Variants in EML5 observed in about 807,000 individuals in gnomAD.
The protein encoded by EML5 is EMAP like 5, also known as echinoderm microtubule-associated protein-like 5.
A neutral mutation model predicts 250.0 loss-of-function variants in EML5; 120 were observed. The ratio of observed to expected loss-of-function variants is 0.48; its 90% confidence interval spans 0.41 to 0.56. The LOEUF is 0.56. Among genes scored for constraint, EML5 ranks in the 20% least tolerant of loss-of-function variants. EML5 has a pLI of 0.00. For synonymous variants in EML5, 771 were observed against 806.5 expected (o/e 0.96, Z 0.75); for missense variants, 2,006 against 2,437.6 (o/e 0.82, Z 3.73).
chr14:88,722,617 G>A (rs1020137651), intron 8 of EML5, among the ~76,000 whole-genome samples: 5 of 152,104 alleles, frequency 3.3e-5, no homozygotes, highest in South Asian at 2.1e-4. Context: ...CTTTGGGGGT[G>A]GGGTGAGGGG....
intron 1 of EML5, among the ~76,000 whole-genome samples, chr14:88,762,552 A>C (rs968021763): frequency 6.6e-6 from 1 of 152,098 alleles, no homozygotes; most frequent in African/African-American, 2.4e-5. Flanking sequence ...TTAGACTCCC[A>C]CACAGTAATA....
chr14:88,783,386 CCAATGGAACAGAT>C (rs1184903985), intron 1 of EML5, among the ~76,000 whole-genome samples: 3 of 152,126 alleles, frequency 2.0e-5, no homozygotes, highest in Admixed American at 2.0e-4. Context: ...AATGGAAGAT[CCAATGGAACAGAT>C]CAATGGAGCT....
chr14:88,708,954 G>C (rs1326260526), intron 10 of EML5, among the ~76,000 whole-genome samples: 2 of 151,958 alleles, frequency 1.3e-5, no homozygotes, highest in Non-Finnish European at 2.9e-5. Context: ...TTTAAAAGAG[G>C]ATGAAAATTC....
chr14:88,792,185 C>G lies in EML5; in HGVS notation c.197+122G>C, dbSNP rs1440074726. On this transcript the variant is annotated intron_variant, in intron 1 of 43. Coordinates refer to ENST00000554922, the MANE Select transcript of EML5 (RefSeq NM_183387.3). This position sits in a 1 kb window ranked among gnomAD's most constrained non-coding sequence, Gnocchi z 6.9. The stretch of plus-strand genomic sequence containing the variant: ...GGTGGACTCGGGACCAGAGAGACAG[C>G]TGCGGATTCCCCTCGGGGTGATGCT... 8.3e-7 allele frequency: 1 copy of G among 1,199,926 alleles called. No homozygotes were observed. The highest frequency in any genetic ancestry group is 1.1e-6 in the Non-Finnish European group (1 of 875,956). 74.3% of individuals were successfully genotyped at this position (1,199,926 alleles called of 1,614,324 possible).
rs1405777538 is a variant in EML5 at position 88,709,985 on chromosome 14, C to G, written c.1657+2286G>C. On this transcript the variant is annotated intron_variant, in intron 10 of 43. Coordinates refer to ENST00000554922, the MANE Select transcript of EML5 (RefSeq NM_183387.3). ...TCTCCAAATATAAATTTTCATTTGT[C>G]AACAAGAAGTACAGAGGGGGTCTTG... Among the ~76,000 whole-genome samples, 3 of 152,084 alleles carry G rather than the reference C, an allele frequency of 2.0e-5. No individual in the cohort carries two copies. In the East Asian group the frequency reaches 5.8e-4, roughly 29 times the overall value.
chr14:88,680,047 T>C (rs2092684582), intron 21 of EML5, among the ~76,000 whole-genome samples: 1 of 152,218 alleles, frequency 6.6e-6, no homozygotes, highest in East Asian at 1.9e-4. Context: ...GCTGAAACTT[T>C]CTTCATTTTA....
Position 88,687,264 on chromosome 14 carries a change from G to C in EML5, c.2806C>G (p.Leu936Val). The C allele has an allele frequency of 6.2e-7, 1 of 1,612,150 alleles. No individual in the cohort carries two copies. The highest frequency in any genetic ancestry group is 8.5e-7 in the Non-Finnish European group (1 of 1,179,286). ...ALWDDSFERC[L>V]KTYAIKRAAL... ...GCTCTTTTTATAGCATAGGTCTTGA[G>C]ACATCTTTCAAAAGAGTCATCCCAA... is the stretch of plus-strand genomic sequence containing the variant. Residue 936 changes from leucine (L) to valine (V), a missense_variant, in exon 19 of 44, where the codon CTC becomes GTC. This residue lies in a region of EML5 where 1,375 missense variants were observed against 1,590.3 expected (regional missense o/e 0.86). Transcript: ENST00000554922.
At chr14:88,677,390 C>T (rs532799523) in intron 21 of EML5, among the ~76,000 whole-genome samples, 2 of 152,306 alleles carry the variant, frequency 1.3e-5, no homozygotes, top group East Asian at 3.9e-4. Context: ...GACACAGGTA[C>T]AGGCAAAGAT....
At chr14:88,706,080 ACT>A (rs1445021122) in intron 11 of EML5, among the ~76,000 whole-genome samples, 177 bp downstream of exon 11, 2 of 152,178 alleles carry the variant, frequency 1.3e-5, no homozygotes, top group African/African-American at 2.4e-5. Flanking sequence ...TGTATTTCAC[ACT>A]CTGTGACATC....
rs756294239 is a variant in EML5 at position 88,754,508 on chromosome 14, A to G, written c.357+4T>C. On this transcript the variant is annotated splice_donor_region_variant and intron_variant, in intron 2 of 43. Transcript: ENST00000554922. ...TTAGAAAAAAATGAAAAACTGTCAC[A>G]TACCTGTCCATCTAAGTCAAACGCC... is the stretch of plus-strand genomic sequence containing the variant. 8 of 1,589,714 alleles carry G rather than the reference A, an allele frequency of 5.0e-6. No individual in the cohort carries two copies. Among genetic ancestry groups the G allele is most frequent in the Non-Finnish European group, 6.8e-6 (8 of 1,172,462 alleles).
intron 24 of EML5, among the ~76,000 whole-genome samples, chr14:88,662,762 C>T (rs1351117112): frequency 6.6e-6 from 1 of 151,900 alleles, no homozygotes; most frequent in African/African-American, 2.4e-5. Context: ...CCAGTCTGGT[C>T]TTGAACTCCT....
intron 21 of EML5, among the ~76,000 whole-genome samples, chr14:88,671,170 T>A (rs1464337988): frequency 6.6e-6 from 1 of 152,078 alleles, no homozygotes; most frequent in East Asian, 1.9e-4. Context: ...TAAAGTCAGG[T>A]CACCTACAAA....
chr14:88,635,092 C>T (rs2090647589), intron 32 of EML5, among the ~76,000 whole-genome samples: 1 of 152,130 alleles, frequency 6.6e-6, no homozygotes, highest in Admixed American at 6.5e-5. Flanking sequence ...AGCTCATGCT[C>T]ATTATATTTG....
rs1419543894 is a variant in EML5 at position 88,726,690 on chromosome 14, A to G, written c.1050-12T>C. 2 of 1,512,618 alleles carry G rather than the reference A, an allele frequency of 1.3e-6. No individual in the cohort carries two copies. Among genetic ancestry groups the G allele is most frequent in the South Asian group, 1.3e-5 (1 of 74,966 alleles). The allele number at this position is 1,512,618 out of a possible 1,614,324, so 93.7% of individuals were successfully genotyped here. A position where few individuals can be genotyped will look rare whatever the true frequency, so the allele number is the denominator to read the frequency against. On this transcript the variant is annotated splice_polypyrimidine_tract_variant and intron_variant, in intron 7 of 43. Transcript: ENST00000554922. ...CTAGGCTCCATATCCTGTAAAATTT[A>G]ATTTAAAAAATAAAAAAGGTTAGCT...
chr14:88,641,620 C>T (rs573724724), intron 31 of EML5, among the ~76,000 whole-genome samples: 3 of 152,118 alleles, frequency 2.0e-5, no homozygotes, highest in Non-Finnish European at 4.4e-5. Flanking sequence ...TAAAATCCAA[C>T]ATCCCTTTCA....
At chr14:88,735,832 T>C (rs968600511) in intron 7 of EML5, among the ~76,000 whole-genome samples, 1 of 152,194 alleles carries the variant, frequency 6.6e-6, no homozygotes, top group Non-Finnish European at 1.5e-5. Context: ...AATATTATAT[T>C]CCTGTTAAAA....
At position 88,616,177 on chromosome 14, in the gene EML5, A is replaced by G. The variant is rs2087581990; in HGVS notation, c.5862T>C (p.Asp1954=). 3 of 1,613,954 alleles carry G rather than the reference A, an allele frequency of 1.9e-6. No individual in the cohort carries two copies. The highest frequency in any genetic ancestry group is 2.5e-6 in the Non-Finnish European group (3 of 1,179,834). ...CACCTCCAGCACTAACAACATGTCG[A>G]TCACCACTGGTAAATCGAATATTTG... ...HVTNIRFTSG[D]RHVVSAGGDD... The change falls in exon 43 of 44, where the codon GAT becomes GAC. Residue 1954 remains aspartate, a synonymous_variant. Coordinates refer to ENST00000554922, the MANE Select transcript of EML5 (RefSeq NM_183387.3).
chr14:88,790,066 C>T (rs1020593702), intron 1 of EML5, among the ~76,000 whole-genome samples: 2 of 152,148 alleles, frequency 1.3e-5, no homozygotes, highest in African/African-American at 4.8e-5. Flanking sequence ...ACAAGTCAAA[C>T]ACTGAACTGA....
chr14:88,685,284 C>A, intron 19 of EML5, 142 bp from the exon 20 acceptor site: 2 of 577,764 alleles, frequency 3.5e-6, no homozygotes, highest in South Asian at 7.7e-5. Context: ...AATAAATGTA[C>A]TATATTAACC....
Sources: gnomAD v4.1 joint callset for allele counts (sites outside exome capture counted in the v4.1 genomes callset) on GRCh38, gnomAD v4.1.1 for gene constraint, gnomAD v4.1.1 regional missense constraint, Gnocchi (gnomAD v3.1) non-coding constraint, MANE v1.5 for transcripts, NCBI Gene and HGNC (gene_info 2026-07-23, HGNC 2026-07-21) for gene names.